Variants in ODF2 observed in about 807,000 individuals in gnomAD.
The protein encoded by ODF2 is outer dense fiber of sperm tails 2.
Under a neutral mutation model 110.2 loss-of-function variants are expected in ODF2, and 47 were observed. That is an observed-to-expected ratio of 0.43 (90% CI 0.34 to 0.54). The LOEUF (loss-of-function observed/expected upper bound fraction) is 0.54. Ranked by LOEUF, ODF2 falls within the 20% of genes least tolerant of loss-of-function variation. The pLI is 0.03. For missense variants in ODF2, 812 were observed against 1,054.5 expected (o/e 0.77, Z 3.19); for synonymous variants, 352 against 397.7 (o/e 0.89, Z 1.37).
exon 4 of ODF2, chr9:128,460,991 G>A: frequency 1.2e-6 from 2 of 1,614,198 alleles, no homozygotes; most frequent in Non-Finnish European, 1.7e-6. Flanking sequence ...GTGCGGCGGA[G>A]TGTCCGGGTG....
intron 13 of ODF2, among the ~76,000 whole-genome samples, chr9:128,486,763 G>A (rs1444250115): frequency 2.0e-5 from 3 of 152,166 alleles, no homozygotes; most frequent in Non-Finnish European, 2.9e-5. Flanking sequence ...ACTCATTGCC[G>A]TTCCTGCCTG....
At chr9:128,465,292 G>A (rs1472380417) in intron 4 of ODF2, among the ~76,000 whole-genome samples, 1 of 152,190 alleles carries the variant, frequency 6.6e-6, no homozygotes, top group Non-Finnish European at 1.5e-5. Flanking sequence ...GACGGAAGGG[G>A]AACAGCCCCT....
Position 128,481,789 on chromosome 9 carries a change from T to C in ODF2, c.915+138T>C, listed in dbSNP as rs975538264. 56 of 609,892 alleles carry C rather than the reference T, an allele frequency of 9.2e-5. No individual in the cohort carries two copies. The South Asian group carries it at 1.0e-3, about 11-fold the overall frequency. 37.8% of individuals were successfully genotyped at this position (609,892 alleles called of 1,614,324 possible). A position where few individuals can be genotyped will look rare whatever the true frequency, so the allele number is the denominator to read the frequency against. Reference sequence around the variant, plus strand: ...GGTCTTAGTTTCACGATCTGTAAAATGGGCTGATGTCCTCCTGTCACGCTT... The same window carrying C: ...GGTCTTAGTTTCACGATCTGTAAAACGGGCTGATGTCCTCCTGTCACGCTT... On this transcript the variant is annotated intron_variant, in intron 9 of 20. Transcript: ENST00000604420.
At chr9:128,499,064 C>G (rs1176806106) in exon 20 of ODF2, 1 of 1,614,210 alleles carries the variant, frequency 6.2e-7, no homozygotes, top group African/African-American at 1.3e-5. Context: ...AATCCTGGAC[C>G]TTGAGACCCA....
rs1054800651 is a variant in ODF2, at chr9:128,485,586, G to A, written c.1400+112G>A. 4.7e-5 allele frequency: 30 copies of A among 644,630 alleles called. No individual in the cohort carries two copies. The highest frequency in any genetic ancestry group is 1.4e-4 in the East Asian group (5 of 35,998). The allele number at this position is 644,630 out of a possible 1,614,324, so 39.9% of individuals were successfully genotyped here. ...CACGTGGCTGCTGTTTGTACTCTCC[G>A]GGTTGGGGGCTGCACTGGGCTGTGA... On this transcript the variant is annotated intron_variant, in intron 13 of 20. Transcript: ENST00000604420. This position sits in a 1 kb window ranked among gnomAD's most constrained non-coding sequence, Gnocchi z 5.0.
chr9:128,496,320 AG>A (rs1836697189), intron 18 of ODF2, 179 bp downstream of exon 18: 3 of 1,473,104 alleles, frequency 2.0e-6, no homozygotes, highest in African/African-American at 1.4e-5. Context: ...GGAGAGAGCA[AG>A]GGGGCCTCTC....
At chr9:128,455,279 C>T (rs1453517040), upstream of ODF2, 7 of 1,514,700 alleles carry the variant, frequency 4.6e-6, no homozygotes, top group South Asian at 1.2e-5. Flanking sequence ...AGACCGGGCG[C>T]GGAGGCTCAA....
intron 4 of ODF2, among the ~76,000 whole-genome samples, chr9:128,462,900 G>C (rs1836885534): frequency 6.6e-6 from 1 of 152,114 alleles, no homozygotes; most frequent in Non-Finnish European, 1.5e-5. Context: ...ATTTTTTGCT[G>C]TAGCATTGTT....
chr9:128,500,680 C>T (rs1846355289), downstream of ODF2: 1 of 155,594 alleles, frequency 6.4e-6, no homozygotes, highest in Admixed American at 6.4e-5. Flanking sequence ...CTGTAAGCAC[C>T]ATCACTTGCT....
intron 14 of ODF2, among the ~76,000 whole-genome samples, chr9:128,488,571 A>G (rs1429601303): frequency 1.3e-5 from 2 of 152,210 alleles, no homozygotes; most frequent in East Asian, 3.8e-4. Context: ...AATGCTTAAC[A>G]TGGTGTACTC....
chr9:128,457,943 A>ATTTT lies in ODF2; in HGVS notation c.32+515_32+518dup, dbSNP rs1181931486. Among the ~76,000 whole-genome samples, 122 of 140,448 alleles carry ATTTT rather than the reference A, an allele frequency of 8.7e-4. 1 individual carries two copies. Among genetic ancestry groups the ATTTT allele is most frequent in the Middle Eastern group, 3.8e-3 (1 of 266 alleles). 92.1% of individuals were successfully genotyped at this position (140,448 alleles called of 152,430 possible). A position where few individuals can be genotyped will look rare whatever the true frequency, so the allele number is the denominator to read the frequency against. On this transcript the variant is annotated intron_variant, in intron 2 of 20. Transcript: ENST00000604420. ...AGTAGAGGTCTATATATATATATAT[A>ATTTT]TTTTTTTTTTTTCCCCTCTTTTTAA...
Position 128,460,276 on chromosome 9 carries a change from C to T in ODF2, c.123+619C>T, listed in dbSNP as rs190621052. 618 of 1,363,850 alleles carry T rather than the reference C, an allele frequency of 4.5e-4. 1 individual carries two copies. In the African/African-American group the frequency reaches 7.3e-3, roughly 16 times the overall value. The allele number at this position is 1,363,850 out of a possible 1,614,324, so 84.5% of individuals were successfully genotyped here. A position where few individuals can be genotyped will look rare whatever the true frequency, so the allele number is the denominator to read the frequency against. On this transcript the variant is annotated intron_variant, in intron 3 of 20. Transcript: ENST00000604420. ...CCAGCCCTAAGAACCCTGGGGCCGG[C>T]GTCTGGGATCTGTTCTGGAACGGGT...
upstream of ODF2, chr9:128,456,066 G>C (rs775609386): frequency 6.6e-7 from 1 of 1,515,584 alleles, no homozygotes; most frequent in South Asian, 1.2e-5. Context: ...AACCCAAGCG[G>C]CTCCCGGGGG....
At chr9:128,462,146 C>CT (rs917703238) in intron 4 of ODF2, among the ~76,000 whole-genome samples, 1,554 of 143,752 alleles carry the variant, frequency 0.011, 8 homozygotes, top group Non-Finnish European at 0.017. Context: ...ATCAATGAAT[C>CT]TTTTTTTTTT....
chr9:128,494,563 C>G lies in ODF2; in HGVS notation c.1806C>G (p.Ile602Met), dbSNP rs892643230. 6.2e-7 allele frequency: 1 copy of G among 1,614,076 alleles called. No homozygotes were observed. Among genetic ancestry groups the G allele is most frequent in the Non-Finnish European group, 8.5e-7 (1 of 1,180,052 alleles). The stretch of plus-strand genomic sequence containing the variant: ...CTGACCTGCAGCAGCTCCCTGACAT[C>G]CTGAAGATCACGGAGGCGAAGCTGG... Residue 602 changes from isoleucine (I) to methionine (M), a missense_variant, in exon 17 of 21, where the codon ATC (isoleucine) becomes ATG (methionine). This residue lies in a region of ODF2 where 165 missense variants were observed against 293.4 expected (regional missense o/e 0.56). Coordinates refer to ENST00000604420, the Ensembl canonical transcript of ODF2. This position sits in a 1 kb window ranked among gnomAD's most constrained non-coding sequence, Gnocchi z 4.6.
At chr9:128,469,627 T>C (rs1839200463) in intron 5 of ODF2, among the ~76,000 whole-genome samples, 1 of 152,120 alleles carries the variant, frequency 6.6e-6, no homozygotes, top group African/African-American at 2.4e-5. Context: ...GTGAAGCCAG[T>C]GGTGTTACTG....
intron 8 of ODF2, among the ~76,000 whole-genome samples, chr9:128,479,518 T>C (rs1338706921): frequency 1.3e-5 from 2 of 152,146 alleles, no homozygotes; most frequent in African/African-American, 4.8e-5. Context: ...TGCAGGGAAG[T>C]GAGTCCTCCC....
chr9:128,474,495 G>T (rs1304032684), intron 8 of ODF2, among the ~76,000 whole-genome samples: 1 of 147,994 alleles, frequency 6.8e-6, no homozygotes, highest in Non-Finnish European at 1.5e-5. Context: ...TCCATCTTGG[G>T]GAAAAAAAAA....
At chr9:128,499,550 C>A (rs765436505) in intron 20 of ODF2, among the ~76,000 whole-genome samples, 1 of 152,148 alleles carries the variant, frequency 6.6e-6, no homozygotes, top group African/African-American at 2.4e-5. Flanking sequence ...CCATCATGGC[C>A]TCCCAAAGTG....
Sources: allele counts gnomAD v4.1 joint callset (sites outside exome capture counted in the v4.1 genomes callset), GRCh38; gene constraint gnomAD v4.1.1; regional missense constraint gnomAD v4.1.1; non-coding constraint Gnocchi (gnomAD v3.1); transcripts MANE v1.5; gene names NCBI Gene and HGNC (gene_info 2026-07-23, HGNC 2026-07-21).